The following RIT2 variants were observed in gnomAD, a reference collection of about 807,000 sequenced individuals.
The protein encoded by RIT2 is Ras like without CAAX 2.
RIT2 carries 24 observed loss-of-function variants against 23.7 expected under a neutral mutation model. The ratio of observed to expected loss-of-function variants is 1.01; its 90% confidence interval spans 0.73 to 1.43. The LOEUF is 1.43. Ranked by LOEUF, RIT2 falls within the 40% of genes most tolerant of loss-of-function variation. The probability of loss-of-function intolerance (pLI) is 0.00; values close to 1 mark genes in which losing one functional copy is unlikely to be tolerated. For synonymous variants in RIT2, 107 were observed against 91.1 expected (o/e 1.17, Z -0.99); for missense variants, 236 against 266.9 (o/e 0.88, Z 0.81).
At chr18:42,753,698 G>T (rs1339854094) in intron 4 of RIT2, among the ~76,000 whole-genome samples, 4 of 152,112 alleles carry the variant, frequency 2.6e-5, no homozygotes, top group African/African-American at 4.8e-5. Flanking sequence ...CTAACTTGAA[G>T]GAAAAGTGGC....
At chr18:42,845,316 A>G (rs1331649512) in intron 4 of RIT2, among the ~76,000 whole-genome samples, 1 of 152,022 alleles carries the variant, frequency 6.6e-6, no homozygotes, top group African/African-American at 2.4e-5. Flanking sequence ...AACAGTGTGA[A>G]GAGGTCAAAT....
chr18:42,895,336 T>C (rs1908299372), intron 4 of RIT2, among the ~76,000 whole-genome samples: 1 of 152,202 alleles, frequency 6.6e-6, no homozygotes, highest in Admixed American at 6.5e-5. Flanking sequence ...TTTTCTGACA[T>C]TGAGAACAAT....
chr18:43,054,045 T>G (rs1912444409), intron 1 of RIT2, among the ~76,000 whole-genome samples: 1 of 152,100 alleles, frequency 6.6e-6, no homozygotes, highest in Non-Finnish European at 1.5e-5. Context: ...TTGGACACAT[T>G]GGAACTCTTT....
chr18:43,011,713 T>A lies in RIT2; in HGVS notation c.160+22098A>T, dbSNP rs190556405. On this transcript the variant is annotated intron_variant, in intron 2 of 4. Transcript: ENST00000326695. ...TGTTCACTTCCCTCTGTCATAAACA[T>A]CCCTCTACAGTTATTTCAGGGTCAG... Among the ~76,000 whole-genome samples the A allele has an allele frequency of 1.2e-4, 18 of 151,896 alleles. No individual in the cohort carries two copies. In the East Asian group the frequency reaches 2.9e-3, roughly 25 times the overall value.
intron 3 of RIT2, among the ~76,000 whole-genome samples, chr18:42,932,343 C>A (rs541626712): frequency 1.4e-4 from 22 of 152,252 alleles, no homozygotes; most frequent in African/African-American, 5.3e-4. Context: ...GGAAATCCAT[C>A]CATTTCACTA....
At chr18:43,105,122 G>T (rs1373639503) in intron 1 of RIT2, among the ~76,000 whole-genome samples, 2 of 148,440 alleles carry the variant, frequency 1.3e-5, no homozygotes, top group African/African-American at 5.2e-5. Flanking sequence ...GTGTGTGTGT[G>T]TGTGTGTGTT....
At chr18:43,064,371 A>T (rs1405466495) in intron 1 of RIT2, among the ~76,000 whole-genome samples, 1 of 152,174 alleles carries the variant, frequency 6.6e-6, no homozygotes, top group East Asian at 1.9e-4. Context: ...ATTGGTGAAA[A>T]TAGCTTATTC....
intron 1 of RIT2, among the ~76,000 whole-genome samples, chr18:43,113,879 C>T (rs1380254128): frequency 6.6e-6 from 1 of 151,700 alleles, no homozygotes; most frequent in African/African-American, 2.4e-5. Context: ...TGGTCTTTTG[C>T]CTGTTTTTTT....
chr18:42,970,440 T>C (rs929857753), intron 3 of RIT2, among the ~76,000 whole-genome samples: 8 of 152,024 alleles, frequency 5.3e-5, no homozygotes, highest in Non-Finnish European at 7.4e-5. Context: ...GGTGATGCCA[T>C]GGGATTATTG....
chr18:42,808,665 T>C (rs1259585194), intron 4 of RIT2, among the ~76,000 whole-genome samples: 2 of 152,192 alleles, frequency 1.3e-5, no homozygotes, highest in African/African-American at 4.8e-5. Context: ...TAGGCCATCT[T>C]TGTTCAGCAG....
Position 42,874,863 on chromosome 18 carries a change from A to C in RIT2, c.426+48709T>G, listed in dbSNP as rs149323359. Reference sequence around the variant, plus strand: ...GAATCCATTTGAGGGATGGCTTTCAAGGAGTCCAGATAAGGTTCACACAGG... The same window carrying C: ...GAATCCATTTGAGGGATGGCTTTCACGGAGTCCAGATAAGGTTCACACAGG... On this transcript the variant is annotated intron_variant, in intron 4 of 4. Coordinates refer to ENST00000326695, the MANE Select transcript of RIT2 (RefSeq NM_002930.4). 2.8e-3 allele frequency among the ~76,000 whole-genome samples: 420 copies of C among 152,272 alleles called. 3 individuals carry two copies. Among genetic ancestry groups the C allele is most frequent in the African/African-American group, 9.2e-3 (383 of 41,568 alleles).
intron 4 of RIT2, among the ~76,000 whole-genome samples, chr18:42,878,164 C>T (rs1027613865): frequency 5.3e-5 from 8 of 151,044 alleles, no homozygotes; most frequent in Non-Finnish European, 1.2e-4. Flanking sequence ...AGGGTTGGGG[C>T]ACTGACCTCC....
chr18:43,058,108 C>T (rs1598765218), intron 1 of RIT2, among the ~76,000 whole-genome samples: 1 of 152,036 alleles, frequency 6.6e-6, no homozygotes, highest in Non-Finnish European at 1.5e-5. Flanking sequence ...AGTTTAGCAG[C>T]CAAGTAATTT....
At chr18:43,033,143 C>T (rs1037493368) in intron 2 of RIT2, among the ~76,000 whole-genome samples, 1 of 152,080 alleles carries the variant, frequency 6.6e-6, no homozygotes, top group African/African-American at 2.4e-5. Context: ...CCAGCCAATT[C>T]TTTAAAGTAG....
chr18:43,049,722 G>C (rs1453191740), intron 1 of RIT2, among the ~76,000 whole-genome samples: 1 of 152,008 alleles, frequency 6.6e-6, no homozygotes, highest in Non-Finnish European at 1.5e-5. Flanking sequence ...TGATGCACAT[G>C]GGTAAGAAAT....
chr18:43,053,113 G>A (rs1912422288), intron 1 of RIT2, among the ~76,000 whole-genome samples: 1 of 152,096 alleles, frequency 6.6e-6, no homozygotes, highest in Non-Finnish European at 1.5e-5. Context: ...AGGCTTTGAA[G>A]TCAGGGTACC....
At chr18:42,959,919 A>C (rs996229697) in intron 3 of RIT2, among the ~76,000 whole-genome samples, 1 of 152,240 alleles carries the variant, frequency 6.6e-6, no homozygotes, top group Non-Finnish European at 1.5e-5. Context: ...AACTGAAGTA[A>C]ACGTAGTATG....
intron 1 of RIT2, among the ~76,000 whole-genome samples, chr18:43,083,282 A>G (rs780145765): frequency 1.8e-4 from 28 of 152,238 alleles, no homozygotes; most frequent in Non-Finnish European, 3.1e-4. Context: ...AAGAATTAAT[A>G]TCATGAAAAT....
chr18:43,005,198 C>T (rs1198832134), intron 2 of RIT2, among the ~76,000 whole-genome samples: 4 of 151,780 alleles, frequency 2.6e-5, no homozygotes, highest in Admixed American at 2.0e-4. Context: ...CTGTGATAAA[C>T]TCTAGGTAAT....
Sources: gnomAD v4.1 joint callset for allele counts (sites outside exome capture counted in the v4.1 genomes callset) on GRCh38, gnomAD v4.1.1 for gene constraint, MANE v1.5 for transcripts, NCBI Gene and HGNC (gene_info 2026-07-23, HGNC 2026-07-21) for gene names.